The following GPBP1 variants were observed in gnomAD, a reference collection of about 807,000 sequenced individuals.
GPBP1 encodes the protein GC-rich promoter binding protein 1.
GPBP1 carries 13 observed loss-of-function variants against 56.5 expected under a neutral mutation model. That is an observed-to-expected ratio of 0.23 (90% confidence interval 0.15 to 0.37). GPBP1 has a LOEUF of 0.37. GPBP1 is among the 10% of genes least tolerant of loss of function. GPBP1 has a pLI of 1.00. For synonymous variants in GPBP1, 204 were observed against 188.9 expected, an observed-to-expected ratio of 1.08 and a Z score of -0.66; for missense variants, 477 against 572.3, an observed-to-expected ratio of 0.83 and a Z score of 1.70.
At position 57,230,987 on chromosome 5, in the gene GPBP1, A is replaced by G; in HGVS notation, c.187+18A>G. On this transcript the variant is annotated intron_variant, in intron 4 of 11. Coordinates refer to ENST00000506184, the MANE Select transcript of GPBP1 (RefSeq NM_022913.4). ...TAATGGAGGTAAAATTTGCTAAGGAATGATGTTTATGGCTAATTTTCTTTA... is the reference window on the plus strand; with the variant it reads ...TAATGGAGGTAAAATTTGCTAAGGAGTGATGTTTATGGCTAATTTTCTTTA... 6.3e-7 allele frequency: 1 copy of G among 1,580,962 alleles called. No homozygotes were observed. The highest frequency in any genetic ancestry group is 8.6e-7 in the Non-Finnish European group (1 of 1,167,670).
At chr5:57,176,619 G>T (rs1753797413) in intron 2 of GPBP1, among the ~76,000 whole-genome samples, 1 of 152,196 alleles carries the variant, frequency 6.6e-6, no homozygotes, top group African/African-American at 2.4e-5. Flanking sequence ...GATTCAAACA[G>T]TCCTAAGCTA....
rs1325398537 is a variant in GPBP1 at position 57,263,358 on chromosome 5, T to G, written c.*606T>G. The G allele has an allele frequency of 6.6e-6, 1 of 152,232 alleles. No individual in the cohort carries two copies. Among genetic ancestry groups the G allele is most frequent in the Non-Finnish European group, 1.5e-5 (1 of 68,040 alleles). 9.4% of individuals were successfully genotyped at this position (152,232 alleles called of 1,614,324 possible). A position where few individuals can be genotyped will look rare whatever the true frequency, so the allele number is the denominator to read the frequency against. On this transcript the variant is annotated 3_prime_UTR_variant, in exon 12 of 12. Coordinates refer to ENST00000506184, the MANE Select transcript of GPBP1 (RefSeq NM_022913.4). ...AACCATAAATTGCTCTTTAGCCATT[T>G]GTAGTGCAGTAAATGTTACAGGAAA... is the stretch of plus-strand genomic sequence containing the variant.
At chr5:57,197,422 G>A (rs565027607) in intron 2 of GPBP1, among the ~76,000 whole-genome samples, 3 of 144,798 alleles carry the variant, frequency 2.1e-5, no homozygotes, top group Admixed American at 7.2e-5. Context: ...GCATTGGTGC[G>A]ATCTTAGCTC....
At chr5:57,203,364 T>C (rs934537767) in intron 2 of GPBP1, among the ~76,000 whole-genome samples, 1 of 152,096 alleles carries the variant, frequency 6.6e-6, no homozygotes, top group East Asian at 1.9e-4. Flanking sequence ...GGTATGGCGC[T>C]GTGGCTCACA....
intron 2 of GPBP1, among the ~76,000 whole-genome samples, chr5:57,184,180 C>T (rs1319078684): frequency 1.3e-5 from 2 of 151,898 alleles, no homozygotes; most frequent in Admixed American, 6.6e-5. Context: ...TGCAGTGAGC[C>T]GAGATCGTGC....
Position 57,264,657 on chromosome 5 carries a change from A to G in GPBP1, c.*1905A>G, listed in dbSNP as rs1336280290. 1 of 152,142 alleles carries G rather than the reference A, an allele frequency of 6.6e-6. No individual in the cohort carries two copies. Among genetic ancestry groups the G allele is most frequent in the Non-Finnish European group, 1.5e-5 (1 of 68,016 alleles). The allele number at this position is 152,142 out of a possible 1,614,324, so 9.4% of individuals were successfully genotyped here. A position where few individuals can be genotyped will look rare whatever the true frequency, so the allele number is the denominator to read the frequency against. On this transcript the variant is annotated 3_prime_UTR_variant, in exon 12 of 12. Transcript: ENST00000506184. ...ATGTGTTTAGTAATTTACTCCTTAT[A>G]AATATGGTAAAGTACAGTGGTATGG...
Position 57,230,918 on chromosome 5 carries a change from C to A in GPBP1, c.136C>A (p.Arg46=), listed in dbSNP as rs757021277. 6 of 1,612,380 alleles carry A rather than the reference C, an allele frequency of 3.7e-6. No individual in the cohort carries two copies. Among genetic ancestry groups the A allele is most frequent in the Non-Finnish European group, 5.1e-6 (6 of 1,179,330 alleles). The change falls in exon 4 of 12, where the codon CGA becomes AGA. Residue 46 remains arginine (R), a synonymous_variant. Coordinates refer to ENST00000506184, the MANE Select transcript of GPBP1 (RefSeq NM_022913.4). ...GAATCGTTATGATGTGAACCGTCGACGACACAACTCTTCAGATGGCTTTGA... is the reference window on the plus strand; with the variant it reads ...GAATCGTTATGATGTGAACCGTCGAAGACACAACTCTTCAGATGGCTTTGA... ...TENRYDVNRR[R]HNSSDGFDSA...
intron 2 of GPBP1, among the ~76,000 whole-genome samples, chr5:57,206,107 T>C (rs1755221126): frequency 6.6e-6 from 1 of 152,150 alleles, no homozygotes; most frequent in African/African-American, 2.4e-5. Context: ...TGTTGTTGAG[T>C]TGTAAGAGTT....
chr5:57,233,670 CTT>C (rs1357573111), intron 5 of GPBP1, among the ~76,000 whole-genome samples: 3 of 152,164 alleles, frequency 2.0e-5, no homozygotes, highest in Admixed American at 6.5e-5. Flanking sequence ...TCATAAAGGT[CTT>C]TGATTCTTGT....
At chr5:57,255,045 CAG>C (rs1489474700) in intron 10 of GPBP1, among the ~76,000 whole-genome samples, 7 of 152,064 alleles carry the variant, frequency 4.6e-5, no homozygotes, top group African/African-American at 9.7e-5. Context: ...TTAACATAAA[CAG>C]ATATTTCAGA....
At chr5:57,230,795 A>G (rs1756420102) in intron 3 of GPBP1, 51 bp from the exon 4 acceptor site, 9 of 1,493,986 alleles carry the variant, frequency 6.0e-6, no homozygotes, top group African/African-American at 2.8e-5. Flanking sequence ...ACTAGTTTTT[A>G]AAGTTATATT....
Position 57,261,070 on chromosome 5 carries a change from G to C in GPBP1, c.1161-110G>C, listed in dbSNP as rs1031493826. On this transcript the variant is annotated intron_variant, in intron 10 of 11. Coordinates refer to ENST00000506184, the MANE Select transcript of GPBP1 (RefSeq NM_022913.4). ...AAAAATCCTTTTGATGTGTCTTGGG[G>C]TCTTTGTATAATGGATCCTGGTGGA... 2.0e-5 allele frequency: 14 copies of C among 707,748 alleles called. No individual in the cohort carries two copies. In the African/African-American group the frequency reaches 2.5e-4, roughly 13 times the overall value. The allele number at this position is 707,748 out of a possible 1,614,324, so 43.8% of individuals were successfully genotyped here. A position where few individuals can be genotyped will look rare whatever the true frequency, so the allele number is the denominator to read the frequency against.
intron 3 of GPBP1, among the ~76,000 whole-genome samples, chr5:57,223,671 C>G (rs1756050332): frequency 6.6e-6 from 1 of 151,706 alleles, no homozygotes; most frequent in Non-Finnish European, 1.5e-5. Flanking sequence ...TCAATGAATG[C>G]AGCATAACTA....
intron 2 of GPBP1, among the ~76,000 whole-genome samples, chr5:57,201,947 T>TA (rs1185398756): frequency 6.6e-6 from 1 of 152,190 alleles, no homozygotes; most frequent in East Asian, 1.9e-4. Flanking sequence ...AGGGGCAAAT[T>TA]ACTTTAATCT....
At chr5:57,209,360 G>A (rs918787216) in intron 2 of GPBP1, among the ~76,000 whole-genome samples, 4 of 152,214 alleles carry the variant, frequency 2.6e-5, no homozygotes, top group Non-Finnish European at 4.4e-5. Flanking sequence ...CTTTTCACAG[G>A]TGCCATTATA....
chr5:57,243,176 T>C (rs1740914840), intron 6 of GPBP1, among the ~76,000 whole-genome samples: 1 of 152,028 alleles, frequency 6.6e-6, no homozygotes, highest in Non-Finnish European at 1.5e-5. Flanking sequence ...CAAGCAGTTC[T>C]CTGCCTCAGT....
intron 2 of GPBP1, among the ~76,000 whole-genome samples, chr5:57,204,564 A>T (rs1755152103): frequency 6.6e-6 from 1 of 152,150 alleles, no homozygotes. Context: ...ATTGATTTTT[A>T]AAAATTACTT....
At chr5:57,211,172 A>T (rs532308060) in intron 2 of GPBP1, among the ~76,000 whole-genome samples, 103 of 148,558 alleles carry the variant, frequency 6.9e-4, no homozygotes, top group African/African-American at 2.3e-3. Flanking sequence ...TTTTTTTTTT[A>T]AATCTTTTTT....
At chr5:57,262,279 G>A (rs187389033) in intron 11 of GPBP1, among the ~76,000 whole-genome samples, 99 of 152,196 alleles carry the variant, frequency 6.5e-4, no homozygotes, top group Non-Finnish European at 1.1e-3. Context: ...ATTGGGGGGT[G>A]TATTAATTTA....
Sources: gnomAD v4.1 joint callset for allele counts (sites outside exome capture counted in the v4.1 genomes callset) on GRCh38, gnomAD v4.1.1 for gene constraint, MANE v1.5 for transcripts, NCBI Gene and HGNC (gene_info 2026-07-23, HGNC 2026-07-21) for gene names.